OR7E24: variants seen among roughly 807,000 people sequenced by gnomAD.
OR7E24 encodes the protein olfactory receptor 7E24.
For synonymous variants in OR7E24, 130 were observed against 157.5 expected (o/e 0.83, Z 1.31); for missense variants, 385 against 410.3 (o/e 0.94, Z 0.53).
the OR7E24 span, chr19:9,235,484 T>C: frequency 9.4e-6 from 15 of 1,590,360 alleles, no homozygotes; most frequent in Admixed American, 1.7e-5. Flanking sequence ...GATACTTTCC[T>C]ACTGGCTGTG....
At chr19:9,230,907 G>GTTTA in the OR7E24 span, among the ~76,000 whole-genome samples, 1 of 151,982 alleles carries the variant, frequency 6.6e-6, no homozygotes, top group East Asian at 1.9e-4. Flanking sequence ...ATGCTGTAGT[G>GTTTA]TTTATTTATT....
At chr19:9,230,011 C>T in the OR7E24 span, among the ~76,000 whole-genome samples, 1 of 151,468 alleles carries the variant, frequency 6.6e-6, no homozygotes, top group African/African-American at 2.4e-5. Context: ...TAGACAGTCC[C>T]ATATTTATTT....
chr19:9,222,512 C>T, the OR7E24 span, among the ~76,000 whole-genome samples: 1 of 152,110 alleles, frequency 6.6e-6, no homozygotes, highest in Admixed American at 6.5e-5. Flanking sequence ...ACAAATTTTT[C>T]ACCTCCTCAG....
chr19:9,215,208 T>C, the OR7E24 span, among the ~76,000 whole-genome samples: 2 of 152,098 alleles, frequency 1.3e-5, no homozygotes, highest in Non-Finnish European at 2.9e-5. Context: ...CTGGGCGTTG[T>C]GGAGTGCACC....
Position 9,251,071 on chromosome 19 carries a change from T to C in OR7E24, c.28T>C (p.Phe10Leu). 1.3e-6 allele frequency: 2 copies of C among 1,598,740 alleles called. No homozygotes were observed. The highest frequency in any genetic ancestry group is 1.3e-5 in the African/African-American group (1 of 74,300). Residue 10 changes from phenylalanine (F) to leucine (L), a missense_variant, in exon 1 of 1, where the codon TTT (phenylalanine) becomes CTT (leucine). By Grantham distance (22) the Phe-to-Leu change is conservative. Coordinates refer to ENST00000456448, the MANE Select transcript of OR7E24 (RefSeq NM_001079935.2). MSYFPILFF[F>L]FLKRCPSYTE... ...GTCCTATTTTCCAATTCTCTTTTTT[T>C]TTTTCCTCAAAAGGTGTCCGAGCTA... is the stretch of plus-strand genomic sequence containing the variant.
the OR7E24 span, chr19:9,206,978 G>T: frequency 2.6e-5 from 4 of 152,162 alleles, no homozygotes; most frequent in African/African-American, 9.7e-5. Context: ...AAGCACCAGT[G>T]ATAGTTCAGA....
At chr19:9,224,536 A>G in the OR7E24 span, among the ~76,000 whole-genome samples, 1,101 of 152,138 alleles carry the variant, frequency 7.2e-3, 16 homozygotes, top group Non-Finnish European at 9.8e-3. Context: ...CCAGTGGATC[A>G]CTTGAGCCCA....
the OR7E24 span, chr19:9,210,745 C>T: frequency 6.6e-6 from 1 of 151,404 alleles, no homozygotes; most frequent in African/African-American, 2.4e-5. Flanking sequence ...GGGAGTTCTC[C>T]GCCTGAAGTG....
chr19:9,213,677 G>A, the OR7E24 span: 2 of 514,116 alleles, frequency 3.9e-6, no homozygotes, highest in Admixed American at 3.4e-5. Flanking sequence ...GGTAGAGGTT[G>A]CAGTGAGCCA....
the OR7E24 span, among the ~76,000 whole-genome samples, chr19:9,230,664 T>G: frequency 1.3e-5 from 2 of 152,368 alleles, no homozygotes; most frequent in East Asian, 3.9e-4. Flanking sequence ...ACTATGTTGC[T>G]GGCAGATCTG....
At chr19:9,211,344 T>G in the OR7E24 span, 1 of 152,216 alleles carries the variant, frequency 6.6e-6, no homozygotes. Context: ...GGGAAATGCT[T>G]AAGCAATATA....
chr19:9,227,975 G>A, the OR7E24 span, among the ~76,000 whole-genome samples: 1 of 150,736 alleles, frequency 6.6e-6, no homozygotes, highest in South Asian at 2.1e-4. Context: ...GGATGGTCTC[G>A]ATCTCCTGAC....
At chr19:9,243,475 T>C (rs1308915332), upstream of OR7E24, among the ~76,000 whole-genome samples, 1 of 151,746 alleles carries the variant, frequency 6.6e-6, no homozygotes, top group African/African-American at 2.4e-5. Context: ...ACTACAGGCA[T>C]GCATCATCAC....
chr19:9,236,678 C>G, the OR7E24 span, among the ~76,000 whole-genome samples: 1 of 151,882 alleles, frequency 6.6e-6, no homozygotes, highest in Non-Finnish European at 1.5e-5. Context: ...TGCACATAGT[C>G]CTTAAAGTTC....
chr19:9,225,195 G>A, the OR7E24 span, among the ~76,000 whole-genome samples: 1 of 151,812 alleles, frequency 6.6e-6, no homozygotes, highest in Non-Finnish European at 1.5e-5. Context: ...ACCAACATGG[G>A]GAAACCCCAT....
upstream of OR7E24, among the ~76,000 whole-genome samples, chr19:9,245,949 G>A (rs1458217305): frequency 6.6e-6 from 1 of 151,908 alleles, no homozygotes; most frequent in African/African-American, 2.4e-5. Flanking sequence ...GGCTGACTCT[G>A]GAGCCCAGAC....
chr19:9,247,498 C>T, upstream of OR7E24: 1 of 398,726 alleles, frequency 2.5e-6, no homozygotes. Context: ...CATGGCCCAG[C>T]AGAGGGGAAG....
chr19:9,212,411 A>T, the OR7E24 span: 1 of 152,312 alleles, frequency 6.6e-6, no homozygotes, highest in South Asian at 2.1e-4. Context: ...TGCAGGATGC[A>T]AATTAGGATT....
At chr19:9,243,127 A>C (rs886742209), upstream of OR7E24, among the ~76,000 whole-genome samples, 2 of 152,148 alleles carry the variant, frequency 1.3e-5, no homozygotes, top group African/African-American at 4.8e-5. Context: ...TTTGGGATGC[A>C]GTTCACCCTT....
Sources: gnomAD v4.1 joint callset for allele counts (sites outside exome capture counted in the v4.1 genomes callset) on GRCh38, gnomAD v4.1.1 for gene constraint, MANE v1.5 for transcripts, NCBI Gene and HGNC (gene_info 2026-07-23, HGNC 2026-07-21) for gene names.